ST6GALNAC1: variants seen among roughly 807,000 people sequenced by gnomAD.
The protein encoded by ST6GALNAC1 is ST6 N-acetylgalactosaminide alpha-2,6-sialyltransferase 1.
In ST6GALNAC1, 45 loss-of-function variants were observed where a neutral mutation model predicts 56.8. The observed-to-expected ratio is 0.79, with a 90% CI of 0.62 to 1.02. The LOEUF (loss-of-function observed/expected upper bound fraction) is 1.02, where lower values mean the gene tolerates loss of function less well. Ranked by LOEUF, ST6GALNAC1 falls within the 50% of genes least tolerant of loss-of-function variation. ST6GALNAC1 has a pLI of 0.00. For missense variants in ST6GALNAC1, 743 were observed against 754.8 expected, an observed-to-expected ratio of 0.98 and a Z score of 0.18; for synonymous variants, 295 against 297.8, an observed-to-expected ratio of 0.99 and a Z score of 0.10.
Position 76,626,765 on chromosome 17 carries a change from G to A in ST6GALNAC1, c.1197C>T (p.Gly399=), listed in dbSNP as rs1304745647. 6 of 1,614,106 alleles carry A rather than the reference G, an allele frequency of 3.7e-6. No individual in the cohort carries two copies. In the Admixed American group the frequency reaches 8.3e-5, roughly 22 times the overall value. ...TCCGAGTCCCCACATCCTGTTCGTAGCCTTTAATGAGAGCTCCGCTCAATC... is the reference window on the plus strand; with the variant it reads ...TCCGAGTCCCCACATCCTGTTCGTAACCTTTAATGAGAGCTCCGCTCAATC... The part of the protein sequence containing the change: ...VFRLSGALIK[G]YEQDVGTRTS... Residue 399 remains glycine, a synonymous_variant, in exon 5 of 9, where the codon GGC becomes GGT. Transcript: ENST00000156626.
chr17:76,629,501 C>T lies in ST6GALNAC1; in HGVS notation c.342G>A (p.Lys114=). The T allele has an allele frequency of 1.2e-6, 2 of 1,614,030 alleles. No homozygotes were observed. The highest frequency in any genetic ancestry group is 2.2e-5 in the East Asian group (1 of 44,844). The part of the protein sequence containing the change: ...ANQAPPEEQD[K]VPHTAQRAAW... ...CTGCCCTCTGTGCTGTGTGGGGCACCTTGTCCTGCTCCTCCGGCGGTGCCT... is the reference window on the plus strand; with the variant it reads ...CTGCCCTCTGTGCTGTGTGGGGCACTTTGTCCTGCTCCTCCGGCGGTGCCT... The change falls in exon 2 of 9, where the codon AAG becomes AAA. Residue 114 remains lysine (K), a synonymous_variant. Coordinates refer to ENST00000156626, the MANE Select transcript of ST6GALNAC1 (RefSeq NM_018414.5).
intron 1 of ST6GALNAC1, among the ~76,000 whole-genome samples, chr17:76,634,049 TAAGAA>T (rs1317812746): frequency 6.6e-6 from 1 of 152,174 alleles, no homozygotes. Context: ...TGGAGGAGGA[TAAGAA>T]AAGAGCTGAA....
downstream of ST6GALNAC1, among the ~76,000 whole-genome samples, chr17:76,624,032 CGGA>C (rs1225498986): frequency 6.6e-6 from 1 of 152,172 alleles, no homozygotes; most frequent in Non-Finnish European, 1.5e-5. Flanking sequence ...TGGGGTGCCG[CGGA>C]GGACAGGGCG....
chr17:76,623,060 A>C (rs1167169233), downstream of ST6GALNAC1, among the ~76,000 whole-genome samples: 2 of 152,002 alleles, frequency 1.3e-5, no homozygotes, highest in African/African-American at 2.4e-5. Flanking sequence ...CTGTCATTTC[A>C]TTTTTTTACA....
chr17:76,639,783 G>A (rs1489464234), intron 1 of ST6GALNAC1, among the ~76,000 whole-genome samples: 1 of 151,768 alleles, frequency 6.6e-6, no homozygotes, highest in Non-Finnish European at 1.5e-5. Context: ...GGTAGGGAGT[G>A]GGGGTGGGAG....
At chr17:76,628,359 A>G (rs1305898848) in intron 2 of ST6GALNAC1, among the ~76,000 whole-genome samples, 1 of 150,090 alleles carries the variant, frequency 6.7e-6, no homozygotes, top group Non-Finnish European at 1.5e-5. Flanking sequence ...TGGTGCCATC[A>G]TAGCTCACTT....
intron 1 of ST6GALNAC1, among the ~76,000 whole-genome samples, chr17:76,630,998 G>T (rs557164019): frequency 2.0e-5 from 3 of 150,922 alleles, no homozygotes; most frequent in Non-Finnish European, 4.4e-5. Flanking sequence ...GGGCTCAAGC[G>T]ATCCTGTGGC....
rs2075802939 is a variant in ST6GALNAC1, at chr17:76,626,648, C to T, written c.1311+3G>A. The T allele has an allele frequency of 1.2e-6, 2 of 1,614,128 alleles. No homozygotes were observed. The highest frequency in any genetic ancestry group is 4.5e-5 in the East Asian group (2 of 44,876). On this transcript the variant is annotated splice_donor_region_variant and intron_variant, in intron 5 of 8. Coordinates refer to ENST00000156626, the MANE Select transcript of ST6GALNAC1 (RefSeq NM_018414.5). ...GTGGCCAGGCTCCTTCCTCTTTGCT[C>T]ACCTTCCCAAGAGGCACGTTCTTGA... is the stretch of plus-strand genomic sequence containing the variant.
chr17:76,625,946 T>G, intron 7 of ST6GALNAC1, 28 bp from the exon 8 acceptor site: 1 of 1,602,812 alleles, frequency 6.2e-7, no homozygotes, highest in Non-Finnish European at 8.5e-7. Context: ...CCCCCAACTG[T>G]CAGGAGGCTG....
intron 1 of ST6GALNAC1, among the ~76,000 whole-genome samples, chr17:76,638,110 C>CTT (rs397744489): frequency 0.019 from 2,479 of 132,780 alleles, 47 homozygotes; most frequent in South Asian, 0.052. Context: ...ACAGCTCACT[C>CTT]TTTTTTTTTT....
chr17:76,627,644 TGCACCACTGCAG>T lies in ST6GALNAC1; in HGVS notation c.832-73_832-62del. On this transcript the variant is annotated intron_variant, in intron 2 of 8. Coordinates refer to ENST00000156626, the MANE Select transcript of ST6GALNAC1 (RefSeq NM_018414.5). This position sits in a 1 kb window ranked among gnomAD's most constrained non-coding sequence, Gnocchi z 4.4. ...CCCAGAAAGGCCATCGGCCAGGGGCTGCACCACTGCAGCAAGGGCTGGGGCTCGCAGTTTGGA... is the reference window on the plus strand; with the variant it reads ...CCCAGAAAGGCCATCGGCCAGGGGCTCAAGGGCTGGGGCTCGCAGTTTGGA... 6.6e-7 allele frequency: 1 copy of T among 1,520,354 alleles called. No homozygotes were observed. The highest frequency in any genetic ancestry group is 9.0e-7 in the Non-Finnish European group (1 of 1,111,300). The allele number at this position is 1,520,354 out of a possible 1,614,324, so 94.2% of individuals were successfully genotyped here.
rs990386680 is a variant in ST6GALNAC1 at position 76,631,094 on chromosome 17, TGTGC to T, written c.132-1387_132-1384del. ...GTGTGTGTGTGTGTGTGTGTGTGTGTGTGCACGCGTGCGCGAGCACTTGTGTGTG... is the reference window on the plus strand; with the variant it reads ...GTGTGTGTGTGTGTGTGTGTGTGTGTACGCGTGCGCGAGCACTTGTGTGTG... On this transcript the variant is annotated intron_variant, in intron 1 of 8. Transcript: ENST00000156626. 7.6e-3 allele frequency among the ~76,000 whole-genome samples: 1,025 copies of T among 134,166 alleles called. 10 individuals are homozygous for T. The highest frequency in any genetic ancestry group is 0.025 in the African/African-American group (861 of 34,658). 88.0% of individuals were successfully genotyped at this position (134,166 alleles called of 152,430 possible).
chr17:76,630,353 T>G (rs1433745692), intron 1 of ST6GALNAC1, among the ~76,000 whole-genome samples: 5 of 152,180 alleles, frequency 3.3e-5, no homozygotes, highest in African/African-American at 1.2e-4. Context: ...TGATTACCTA[T>G]GCAAGCCCTT....
the ST6GALNAC1 span, among the ~76,000 whole-genome samples, chr17:76,618,687 A>G: frequency 6.6e-6 from 1 of 151,632 alleles, no homozygotes; most frequent in Non-Finnish European, 1.5e-5. Context: ...AGGCTGAGGC[A>G]GGAGAATCGC....
chr17:76,636,462 C>A (rs560128877), intron 1 of ST6GALNAC1, among the ~76,000 whole-genome samples: 14 of 151,990 alleles, frequency 9.2e-5, no homozygotes, highest in African/African-American at 3.1e-4. Flanking sequence ...GGCAGTGTTC[C>A]AAAGGTCTAA....
chr17:76,619,684 T>C, the ST6GALNAC1 span, among the ~76,000 whole-genome samples: 1 of 151,930 alleles, frequency 6.6e-6, no homozygotes, highest in East Asian at 1.9e-4. Context: ...GGATATATAA[T>C]TGAAATATTG....
chr17:76,627,252 G>A lies in ST6GALNAC1; in HGVS notation c.1001-14C>T, dbSNP rs534450923. The A allele has an allele frequency of 1.9e-5, 29 of 1,547,358 alleles. No individual in the cohort carries two copies. The highest frequency in any genetic ancestry group is 2.7e-5 in the African/African-American group (2 of 72,826). On this transcript the variant is annotated splice_polypyrimidine_tract_variant and intron_variant, in intron 3 of 8. Transcript: ENST00000156626. This position sits in a 1 kb window ranked among gnomAD's most constrained non-coding sequence, Gnocchi z 4.4. ...CCTTCTGCACCACTGGAACAAGAGTGGGGGTGCTCCATTCAGAGCCCTGGG... is the reference window on the plus strand; with the variant it reads ...CCTTCTGCACCACTGGAACAAGAGTAGGGGTGCTCCATTCAGAGCCCTGGG...
intron 1 of ST6GALNAC1, among the ~76,000 whole-genome samples, chr17:76,639,712 G>A (rs1220621795): frequency 1.5e-5 from 2 of 136,012 alleles, no homozygotes; most frequent in East Asian, 4.4e-4. Flanking sequence ...GTTCTACCTG[G>A]CTCTAAGCTC....
At chr17:76,637,537 T>C in intron 1 of ST6GALNAC1, 1 of 395,040 alleles carries the variant, frequency 2.5e-6, no homozygotes, top group Non-Finnish European at 4.5e-6. Flanking sequence ...TACAATTATG[T>C]AAGCTTTTGG....
Sources: gnomAD v4.1 joint callset for allele counts (sites outside exome capture counted in the v4.1 genomes callset) on GRCh38, gnomAD v4.1.1 for gene constraint, Gnocchi (gnomAD v3.1) non-coding constraint, MANE v1.5 for transcripts, NCBI Gene and HGNC (gene_info 2026-07-23, HGNC 2026-07-21) for gene names.